The following TET3 variants were observed in gnomAD, a reference collection of about 807,000 sequenced individuals.
TET3 encodes methylcytosine dioxygenase TET3.
In TET3, 19 loss-of-function variants were observed where a neutral mutation model predicts 141.4. The observed-to-expected ratio is 0.13, with a 90% CI of 0.09 to 0.20. The LOEUF is 0.20. Among genes scored for constraint, TET3 ranks in the 10% least tolerant of loss-of-function variants. The pLI is 1.00. For synonymous variants in TET3, 1,043 were observed against 980.9 expected (o/e 1.06, Z -1.18); for missense variants, 1,874 against 2,356.9 (o/e 0.80, Z 4.24).
intron 3 of TET3, among the ~76,000 whole-genome samples, chr2:74,037,302 T>G (rs1044795570): frequency 3.3e-5 from 5 of 152,242 alleles, no homozygotes; most frequent in African/African-American, 1.2e-4. Context: ...TGATCAACCC[T>G]AGACAGAACA....
At position 74,047,277 on chromosome 2, in the gene TET3, C is replaced by T. The variant is rs758455484; in HGVS notation, c.1360C>T (p.Arg454Cys). Residue 454 changes from arginine (R) to cysteine (C), a missense_variant, in exon 4 of 12, where the codon CGC becomes TGC. Arg to Cys is a radical substitution (Grantham distance 180). Coordinates refer to ENST00000409262, the MANE Select transcript of TET3 (RefSeq NM_001287491.2). ...GCCCCGGAGCTCCTGGCCCATGCCT[C>T]GCCCAAGCCCCGATCCCATGGCTGA... ...ATPRSSWPMP[R>C]PSPDPMAELE... 15 of 1,613,922 alleles carry T rather than the reference C, an allele frequency of 9.3e-6. No individual in the cohort carries two copies. The highest frequency in any genetic ancestry group is 1.3e-5 in the African/African-American group (1 of 74,942).
intron 4 of TET3, among the ~76,000 whole-genome samples, chr2:74,063,648 G>T (rs906451543): frequency 6.6e-6 from 1 of 152,140 alleles, no homozygotes; most frequent in Non-Finnish European, 1.5e-5. Flanking sequence ...TAAGGGATGG[G>T]GGAGGGGGAG....
chr2:74,011,339 A>C (rs72905256), intron 3 of TET3, among the ~76,000 whole-genome samples: 3,454 of 152,126 alleles, frequency 0.023, 140 homozygotes, highest in African/African-American at 0.08. Context: ...TGTAATCAGC[A>C]CCTGGATCAA....
In TET3 at chr2:74,029,295, C is replaced by G. The variant is rs944045268; in HGVS notation, c.361-16983C>G. Among the ~76,000 whole-genome samples, 7 of 152,174 alleles carry G rather than the reference C, an allele frequency of 4.6e-5. No individual in the cohort carries two copies. The South Asian group carries it at 8.3e-4, about 18-fold the overall frequency. Reference sequence around the variant, plus strand: ...TCAGCCTTTAGTGCCAAGTTGCCATCCCTGTTCTCAAGGGAATAATAAGCC... The same window carrying G: ...TCAGCCTTTAGTGCCAAGTTGCCATGCCTGTTCTCAAGGGAATAATAAGCC... On this transcript the variant is annotated intron_variant, in intron 3 of 11. Coordinates refer to ENST00000409262, the MANE Select transcript of TET3 (RefSeq NM_001287491.2).
the TET3 span, chr2:74,121,433 C>G: frequency 1.3e-5 from 2 of 152,202 alleles, no homozygotes; most frequent in African/African-American, 4.8e-5. Flanking sequence ...AATCAATGAT[C>G]AGAAAAATGT....
chr2:74,031,427 A>G (rs1686682324), intron 3 of TET3, among the ~76,000 whole-genome samples: 2 of 152,312 alleles, frequency 1.3e-5, no homozygotes, highest in South Asian at 2.1e-4. Flanking sequence ...TTTCTCCAGC[A>G]TTGCACCCAG....
chr2:74,077,815 G>A (rs1438925228), intron 5 of TET3, among the ~76,000 whole-genome samples: 3 of 152,210 alleles, frequency 2.0e-5, no homozygotes, highest in Non-Finnish European at 4.4e-5. Context: ...CCGTCTCAGC[G>A]AGAGGAGTGT....
At chr2:74,126,260 G>T in the TET3 span, among the ~76,000 whole-genome samples, 8 of 152,148 alleles carry the variant, frequency 5.3e-5, no homozygotes, top group African/African-American at 1.9e-4. Context: ...CTGTTTTAAT[G>T]CTGAAAAGAG....
chr2:74,008,243 G>T (rs1685244216), intron 3 of TET3, among the ~76,000 whole-genome samples: 1 of 152,150 alleles, frequency 6.6e-6, no homozygotes. Flanking sequence ...TAAGTTCTCT[G>T]AGTGCCCCAA....
chr2:73,994,604 G>C (rs1573636538), intron 2 of TET3, among the ~76,000 whole-genome samples: 1 of 149,276 alleles, frequency 6.7e-6, no homozygotes, highest in South Asian at 2.1e-4. Context: ...TATATTATCA[G>C]GTCTATTTTT....
chr2:74,046,183 G>T lies in TET3; in HGVS notation c.361-95G>T. On this transcript the variant is annotated intron_variant, in intron 3 of 11. Transcript: ENST00000409262. The surrounding 1 kb of genome is among the most constrained non-coding windows in gnomAD (Gnocchi z 4.3). ...AGAGAGGATTTGCAAGAAAAGTTGG[G>T]GTCAGATGTGCACCTGAGTGGTATG... 2 of 1,142,982 alleles carry T rather than the reference G, an allele frequency of 1.7e-6. No individual in the cohort carries two copies. The highest frequency in any genetic ancestry group is 2.3e-6 in the Non-Finnish European group (2 of 860,236). The allele number at this position is 1,142,982 out of a possible 1,614,324, so 70.8% of individuals were successfully genotyped here.
At chr2:74,084,183 C>T (rs547247316) in intron 6 of TET3, among the ~76,000 whole-genome samples, 5 of 152,338 alleles carry the variant, frequency 3.3e-5, no homozygotes, top group Middle Eastern at 3.4e-3. Context: ...TTTTGTTCAG[C>T]ATTGCAAAGT....
intron 5 of TET3, among the ~76,000 whole-genome samples, chr2:74,075,453 C>T (rs1053585248): frequency 4.6e-5 from 7 of 151,136 alleles, no homozygotes; most frequent in South Asian, 2.1e-4. Flanking sequence ...CTCAGTCTCC[C>T]GAGTACCTGA....
chr2:74,039,439 A>G (rs773574673), intron 3 of TET3, among the ~76,000 whole-genome samples: 28 of 152,128 alleles, frequency 1.8e-4, no homozygotes, highest in Non-Finnish European at 3.1e-4. Flanking sequence ...CACTGATATG[A>G]TTTAGGGCAT....
chr2:74,038,880 G>T (rs188128048), intron 3 of TET3, among the ~76,000 whole-genome samples: 4 of 152,282 alleles, frequency 2.6e-5, no homozygotes, highest in Admixed American at 1.3e-4. Flanking sequence ...GGAAAGGACT[G>T]GTCAAGGAGG....
At position 74,046,444 on chromosome 2, in the gene TET3, T is replaced by C. The variant is rs754897384; in HGVS notation, c.527T>C (p.Val176Ala). ...SLLGTGGPWRVDQKPDWEAAP... is the reference protein window; with the variant it reads ...SLLGTGGPWRADQKPDWEAAP... ...CTGGGGACTGGGGGTCCTTGGCGGGTAGACCAAAAGCCCGACTGGGAGGCT... is the reference window on the plus strand; with the variant it reads ...CTGGGGACTGGGGGTCCTTGGCGGGCAGACCAAAAGCCCGACTGGGAGGCT... The change falls in exon 4 of 12, where the codon GTA (valine) becomes GCA (alanine). Residue 176 changes from valine to alanine, a missense_variant. Val to Ala is a moderately conservative substitution (Grantham distance 64). Coordinates refer to ENST00000409262, the MANE Select transcript of TET3 (RefSeq NM_001287491.2). The surrounding 1 kb of genome is among the most constrained non-coding windows in gnomAD (Gnocchi z 4.3). The C allele has an allele frequency of 2.4e-5, 39 of 1,602,456 alleles. No individual in the cohort carries two copies. The highest frequency in any genetic ancestry group is 2.8e-5 in the Non-Finnish European group (33 of 1,173,856).
At chr2:74,116,351 A>G in the TET3 span, among the ~76,000 whole-genome samples, 1 of 152,120 alleles carries the variant, frequency 6.6e-6, no homozygotes, top group African/African-American at 2.4e-5. Flanking sequence ...CAATCCCACT[A>G]CTGGGCATTT....
chr2:74,114,854 A>AAAAAAAAAAAAAAAAAAC, the TET3 span, among the ~76,000 whole-genome samples: 5 of 98,688 alleles, frequency 5.1e-5, 1 homozygote, highest in Admixed American at 6.8e-4. Context: ...ACTCTGTCTC[A>AAAAAAAAAAAAAAAAAAC]AAAAAAAAAA....
intron 11 of TET3, 119 bp from the exon 12 acceptor site, chr2:74,100,274 T>TC: frequency 8.8e-7 from 1 of 1,133,018 alleles, no homozygotes; most frequent in South Asian, 1.5e-5. Context: ...CACCTGCCTG[T>TC]CCCAAAAGAG....
Sources: allele counts gnomAD v4.1 joint callset (sites outside exome capture counted in the v4.1 genomes callset), GRCh38; gene constraint gnomAD v4.1.1; non-coding constraint Gnocchi (gnomAD v3.1); transcripts MANE v1.5; gene names NCBI Gene and HGNC (gene_info 2026-07-23, HGNC 2026-07-21).